The following FOCAD variants were observed in gnomAD, a reference collection of about 807,000 sequenced individuals.
FOCAD encodes the protein focadhesin, also known as KIAA1797.
A neutral mutation model predicts 225.6 loss-of-function variants in FOCAD; 198 were observed. The observed-to-expected ratio is 0.88, with a 90% CI of 0.78 to 0.99. The LOEUF (loss-of-function observed/expected upper bound fraction) is 0.99. Among genes scored for constraint, FOCAD ranks in the 50% least tolerant of loss-of-function variants. The probability of loss-of-function intolerance (pLI) is 0.00; values close to 1 mark genes in which losing one functional copy is unlikely to be tolerated. For synonymous variants in FOCAD, 897 were observed against 755.0 expected (o/e 1.19, Z -3.08); for missense variants, 2,713 against 2,123.6 (o/e 1.28, Z -5.46).
At chr9:20,721,651 G>A (rs541823910) in intron 4 of FOCAD, among the ~76,000 whole-genome samples, 48 of 152,034 alleles carry the variant, frequency 3.2e-4, no homozygotes, top group Non-Finnish European at 5.7e-4. Context: ...GCAGTGAACC[G>A]AGATTACACC....
At chr9:20,754,083 A>G (rs895858997) in intron 5 of FOCAD, among the ~76,000 whole-genome samples, 2 of 152,074 alleles carry the variant, frequency 1.3e-5, no homozygotes, top group Non-Finnish European at 2.9e-5. Context: ...TGTTAACTTG[A>G]CTCAGTTAAA....
At position 20,765,029 on chromosome 9, in the gene FOCAD, C is replaced by T. The variant is rs1829935644; in HGVS notation, c.655C>T (p.Gln219Ter). Residue 219 changes from glutamine (Q) to a stop codon, truncating the protein, a stop_gained, in exon 7 of 44, where the codon CAG becomes TAG. Coordinates refer to ENST00000338382, the MANE Select transcript of FOCAD (RefSeq NM_001375567.1). LOFTEE classifies it high-confidence loss of function. ...CDKDQPSILE[Q>*]QILQLCCDIV... ...CAAAGATCAACCATCAATACTGGAA[C>T]AGCAGATACTTCAACTGTGTTGTGA... The T allele has an allele frequency of 6.2e-7, 1 of 1,614,064 alleles. No individual in the cohort carries two copies. The highest frequency in any genetic ancestry group is 8.5e-7 in the Non-Finnish European group (1 of 1,179,980).
chr9:20,671,599 A>G (rs944882101), intron 2 of FOCAD, among the ~76,000 whole-genome samples: 17 of 117,630 alleles, frequency 1.4e-4, no homozygotes, highest in East Asian at 7.0e-4. Flanking sequence ...ATAGATTAGT[A>G]TGGTAACATG....
At position 20,702,942 on chromosome 9, in the gene FOCAD, T is replaced by C. The variant is rs1158563838; in HGVS notation, c.-32-12380T>C. 5.3e-5 allele frequency among the ~76,000 whole-genome samples: 8 copies of C among 152,046 alleles called. No individual in the cohort carries two copies. The East Asian group carries it at 1.2e-3, about 22-fold the overall frequency. ...AGGTATTTGTTATATGCTGGGGAGA[T>C]AGTGGTAAGAGCTGAGATCGTGCCA... On this transcript the variant is annotated intron_variant, in intron 1 of 43. Transcript: ENST00000338382.
chr9:20,669,394 C>CTAAAATAATTTTA (rs1821989976), intron 2 of FOCAD, among the ~76,000 whole-genome samples: 1 of 152,130 alleles, frequency 6.6e-6, no homozygotes, highest in Non-Finnish European at 1.5e-5. Context: ...CTTGGTTATT[C>CTAAAATAATTTTA]TAAAATAATT....
chr9:20,776,395 A>G (rs760236699), intron 8 of FOCAD, among the ~76,000 whole-genome samples: 2 of 152,180 alleles, frequency 1.3e-5, no homozygotes, highest in African/African-American at 4.8e-5. Context: ...TGCAAAGGGG[A>G]TGTCTGACAC....
chr9:20,976,739 C>A (rs1840266731), intron 36 of FOCAD, among the ~76,000 whole-genome samples, 191 bp downstream of exon 36: 1 of 152,134 alleles, frequency 6.6e-6, no homozygotes, highest in South Asian at 2.1e-4. Flanking sequence ...AAGAAGAGGT[C>A]TAAAGACACA....
At chr9:20,860,113 G>T (rs781415562) in intron 15 of FOCAD, among the ~76,000 whole-genome samples, 1 of 152,032 alleles carries the variant, frequency 6.6e-6, no homozygotes, top group East Asian at 1.9e-4. Context: ...TCATTATTTC[G>T]TGTTTTTTCA....
intron 34 of FOCAD, among the ~76,000 whole-genome samples, chr9:20,951,753 A>G (rs1461490052): frequency 2.0e-5 from 3 of 152,158 alleles, no homozygotes; most frequent in Non-Finnish European, 4.4e-5. Context: ...CTTAATGTGC[A>G]TTTGTACTTG....
chr9:20,993,594 TATA>T (rs1418736343), intron 43 of FOCAD, among the ~76,000 whole-genome samples: 3 of 152,232 alleles, frequency 2.0e-5, no homozygotes, highest in African/African-American at 7.2e-5. Context: ...GGTAATTTTA[TATA>T]ATATTTTTAG....
intron 5 of FOCAD, among the ~76,000 whole-genome samples, chr9:20,750,665 C>T (rs1044611232): frequency 3.9e-5 from 6 of 152,102 alleles, no homozygotes; most frequent in African/African-American, 1.2e-4. Flanking sequence ...TATTGGCTAT[C>T]TCAGGAGTTA....
intron 10 of FOCAD, among the ~76,000 whole-genome samples, chr9:20,784,917 C>A (rs1341323322): frequency 6.9e-6 from 1 of 144,416 alleles, no homozygotes; most frequent in East Asian, 2.1e-4. Flanking sequence ...AAATAGATGT[C>A]TTTTCTTTCT....
chr9:20,961,210 CCT>C (rs897996619), intron 35 of FOCAD, among the ~76,000 whole-genome samples: 39 of 150,946 alleles, frequency 2.6e-4, no homozygotes, highest in African/African-American at 9.0e-4. Flanking sequence ...TCTTTCTCTC[CCT>C]CTCTCTCTCT....
At chr9:20,685,628 A>G (rs1822617604) in intron 1 of FOCAD, among the ~76,000 whole-genome samples, 1 of 152,218 alleles carries the variant, frequency 6.6e-6, no homozygotes, top group Admixed American at 6.5e-5. Context: ...ACAATTGCAT[A>G]AAAATGCAAT....
intron 2 of FOCAD, among the ~76,000 whole-genome samples, chr9:20,664,608 ATTTCT>A (rs199888780): frequency 0.022 from 3,330 of 149,322 alleles, 135 homozygotes; most frequent in African/African-American, 0.078. Context: ...TGCCAGAGTG[ATTTCT>A]TTTCTTTTCT....
chr9:20,899,849 G>C (rs1399880897), intron 21 of FOCAD, among the ~76,000 whole-genome samples: 1 of 151,746 alleles, frequency 6.6e-6, no homozygotes, highest in Non-Finnish European at 1.5e-5. Context: ...AAGAATCATA[G>C]ACCCAAGTTT....
chr9:20,981,411 C>T lies in FOCAD; in HGVS notation c.4378-15C>T, dbSNP rs1010394920. 5.0e-6 allele frequency: 8 copies of T among 1,612,390 alleles called. No individual in the cohort carries two copies. The highest frequency in any genetic ancestry group is 6.8e-6 in the Non-Finnish European group (8 of 1,178,864). Reference sequence around the variant, plus strand: ...CTTGCCTATTTACATTCAACCCCTTCTGTTTTACTTCCAGCTGAATACCAA... The same window carrying T: ...CTTGCCTATTTACATTCAACCCCTTTTGTTTTACTTCCAGCTGAATACCAA... On this transcript the variant is annotated splice_polypyrimidine_tract_variant and intron_variant, in intron 37 of 43. Coordinates refer to ENST00000338382, the MANE Select transcript of FOCAD (RefSeq NM_001375567.1).
At chr9:20,777,990 T>C (rs963153888) in intron 8 of FOCAD, among the ~76,000 whole-genome samples, 14 of 144,258 alleles carry the variant, frequency 9.7e-5, no homozygotes, top group African/African-American at 3.6e-4. Flanking sequence ...CTCGGGAGGC[T>C]GAGGCAGGAG....
At position 20,944,736 on chromosome 9, in the gene FOCAD, G is replaced by T. The variant is rs150113844; in HGVS notation, c.3517G>T (p.Val1173Leu). Residue 1173 changes from valine (V) to leucine (L), a missense_variant, in exon 29 of 44, where the codon GTA becomes TTA. By Grantham distance (32) the Val-to-Leu change is conservative (BLOSUM62 1). Transcript: ENST00000338382. The stretch of plus-strand genomic sequence containing the variant: ...ATTGCTCCGGAAGCTGTCTGCGCAC[G>T]TAGATGACAGCGGGAGCCAGAGCAG... ...AALLRKLSAH[V>L]DDSGSQSRTF... 1.2e-6 allele frequency: 2 copies of T among 1,613,764 alleles called. No homozygotes were observed. Among genetic ancestry groups the T allele is most frequent in the Admixed American group, 3.3e-5 (2 of 59,980 alleles).
Sources: allele counts gnomAD v4.1 joint callset (sites outside exome capture counted in the v4.1 genomes callset), GRCh38; gene constraint gnomAD v4.1.1; transcripts MANE v1.5; gene names NCBI Gene and HGNC (gene_info 2026-07-23, HGNC 2026-07-21).